Variants in TENM1 observed in about 807,000 individuals in gnomAD.
The protein encoded by TENM1 is teneurin-1.
A neutral mutation model predicts 174.8 loss-of-function variants in TENM1; 35 were observed. The observed-to-expected ratio is 0.20, with a 90% confidence interval of 0.15 to 0.27. TENM1 has a LOEUF of 0.27. TENM1 is among the 10% of genes least tolerant of loss of function. TENM1 has a pLI of 1.00. For missense variants in TENM1, 1,633 were observed against 2,130.1 expected, an observed-to-expected ratio of 0.77 and a Z score of 4.59; for synonymous variants, 781 against 798.7, an observed-to-expected ratio of 0.98 and a Z score of 0.37.
intron 15 of TENM1, among the ~76,000 whole-genome samples, chrX:124,539,133 A>G (rs1286177478): frequency 8.9e-6 from 1 of 111,772 alleles, no homozygotes; most frequent in Non-Finnish European, 1.9e-5. Flanking sequence ...TTACTTTTCC[A>G]TTGCACATTA....
chrX:124,717,024 A>G (rs925493890), intron 4 of TENM1, among the ~76,000 whole-genome samples: 1 of 110,451 alleles, frequency 9.1e-6, no homozygotes, highest in Non-Finnish European at 1.9e-5. Context: ...CGTCCTGAAG[A>G]CTTTTAAAAT....
chrX:125,165,396 A>G, the TENM1 span, among the ~76,000 whole-genome samples: 39 of 112,059 alleles, frequency 3.5e-4, no homozygotes, highest in Admixed American at 7.6e-4. Context: ...TATTTCATTT[A>G]TAAGATGTCC....
At chrX:124,694,124 C>G (rs2052594470) in intron 5 of TENM1, among the ~76,000 whole-genome samples, 3 of 111,741 alleles carry the variant, frequency 2.7e-5, no homozygotes, top group Admixed American at 1.9e-4. Flanking sequence ...TGCCCCCATG[C>G]CCTCAGAGGT....
At chrX:124,491,598 A>C (rs1054484055) in intron 20 of TENM1, among the ~76,000 whole-genome samples, 2 of 111,141 alleles carry the variant, frequency 1.8e-5, no homozygotes, top group African/African-American at 6.6e-5. Flanking sequence ...GGAAACAGGC[A>C]AAGGGGTACT....
intron 3 of TENM1, among the ~76,000 whole-genome samples, chrX:124,794,971 A>AC (rs765572744): frequency 9.0e-6 from 1 of 111,138 alleles, no homozygotes; most frequent in Non-Finnish European, 1.9e-5. Flanking sequence ...TTCAGGTCCC[A>AC]CCTCAATTGT....
At chrX:125,161,061 A>G in the TENM1 span, among the ~76,000 whole-genome samples, 1 of 104,663 alleles carries the variant, frequency 9.6e-6, no homozygotes, top group Non-Finnish European at 1.9e-5. Flanking sequence ...AAAAAAAAAA[A>G]CAAAACCCAA....
chrX:125,001,095 T>C, the TENM1 span, among the ~76,000 whole-genome samples: 5 of 110,789 alleles, frequency 4.5e-5, no homozygotes, highest in East Asian at 1.4e-3. Context: ...TTTAATAACT[T>C]TGATTCTTTT....
At chrX:125,096,575 G>A in the TENM1 span, among the ~76,000 whole-genome samples, 13 of 111,747 alleles carry the variant, frequency 1.2e-4, no homozygotes, top group South Asian at 4.9e-3. Flanking sequence ...AAAGTTATTT[G>A]AACATGGAAC....
intron 4 of TENM1, among the ~76,000 whole-genome samples, chrX:124,727,108 C>G (rs1250441359): frequency 8.9e-6 from 1 of 112,156 alleles, no homozygotes; most frequent in Admixed American, 9.5e-5. Flanking sequence ...AAGCTGCAGC[C>G]ATCTGTCAGA....
intron 11 of TENM1, among the ~76,000 whole-genome samples, chrX:124,640,364 T>C (rs987811052): frequency 3.6e-5 from 4 of 111,370 alleles, no homozygotes; most frequent in Non-Finnish European, 5.6e-5. Context: ...TTCCTTACGG[T>C]GTAGGATCAC....
At chrX:124,685,561 G>GTTTGTTTTTTTTTTTT (rs1361404893) in intron 5 of TENM1, among the ~76,000 whole-genome samples, 2 of 94,498 alleles carry the variant, frequency 2.1e-5, no homozygotes, top group African/African-American at 8.0e-5. Context: ...AAGCAAATCT[G>GTTTGTTTTTTTTTTTT]TTTTTTTTTT....
At chrX:125,109,224 C>A in the TENM1 span, among the ~76,000 whole-genome samples, 1 of 111,947 alleles carries the variant, frequency 8.9e-6, no homozygotes, top group East Asian at 2.8e-4. Context: ...TACACATACA[C>A]CTGGAAGAAT....
the TENM1 span, among the ~76,000 whole-genome samples, chrX:125,014,091 ATAATG>A: frequency 8.9e-6 from 1 of 111,843 alleles, no homozygotes; most frequent in South Asian, 3.7e-4. Flanking sequence ...GAAATATGCA[ATAATG>A]TAATTATAAA....
the TENM1 span, among the ~76,000 whole-genome samples, chrX:125,015,284 G>A: frequency 1.3e-4 from 14 of 111,280 alleles, no homozygotes; most frequent in African/African-American, 4.2e-4. Context: ...ATGTAACTGG[G>A]CATCCTATAT....
chrX:124,506,890 G>A (rs1196437555), intron 18 of TENM1, among the ~76,000 whole-genome samples: 1 of 111,444 alleles, frequency 9.0e-6, no homozygotes. Flanking sequence ...TAAATATAGG[G>A]AAAAAAGGTT....
intron 3 of TENM1, among the ~76,000 whole-genome samples, chrX:124,888,008 C>G (rs973433954): frequency 8.0e-5 from 9 of 112,042 alleles, no homozygotes; most frequent in Admixed American, 1.9e-4. Flanking sequence ...TTCCCTCCAT[C>G]AAATGTACAT....
intron 31 of TENM1, among the ~76,000 whole-genome samples, chrX:124,381,729 T>C (rs2060159473): frequency 8.9e-6 from 1 of 111,879 alleles, no homozygotes; most frequent in African/African-American, 3.2e-5. Context: ...TAAGACCTTA[T>C]AATTAACTAT....
chrX:124,958,077 T>C (rs1435690096), intron 1 of TENM1, among the ~76,000 whole-genome samples: 1 of 111,724 alleles, frequency 9.0e-6, no homozygotes, highest in Non-Finnish European at 1.9e-5. Context: ...AATCTTCCCC[T>C]GCTATTCAAC....
chrX:125,085,762 A>T, the TENM1 span, among the ~76,000 whole-genome samples: 1 of 110,854 alleles, frequency 9.0e-6, no homozygotes, highest in South Asian at 3.7e-4. Flanking sequence ...GGCTTTTGTT[A>T]TATATGTTGC....
Sources: gnomAD v4.1 joint callset for allele counts (sites outside exome capture counted in the v4.1 genomes callset) on GRCh38, gnomAD v4.1.1 for gene constraint, MANE v1.5 for transcripts, NCBI Gene and HGNC (gene_info 2026-07-23, HGNC 2026-07-21) for gene names.